Variants in TLN2 observed in about 807,000 individuals in gnomAD.
The protein encoded by TLN2 is talin-2.
TLN2 carries 118 observed loss-of-function variants against 294.7 expected under a neutral mutation model. The ratio of observed to expected loss-of-function variants is 0.40; its 90% CI spans 0.34 to 0.47. The LOEUF is 0.47. Ranked by LOEUF, TLN2 falls within the 20% of genes least tolerant of loss-of-function variation. The pLI is 0.84. For missense variants in TLN2, 3,083 were observed against 3,282.2 expected (o/e 0.94, Z 1.48); for synonymous variants, 1,431 against 1,304.5 (o/e 1.10, Z -2.09).
At chr15:62,836,125 G>A (rs750974275) in intron 57 of TLN2, 52 bp downstream of exon 57, 1 of 1,549,770 alleles carries the variant, frequency 6.5e-7, no homozygotes, top group Non-Finnish European at 8.7e-7. Flanking sequence ...GCGGGTAAGT[G>A]TCACCAGAGG....
chr15:62,670,567 T>C (rs2055278641), intron 9 of TLN2, among the ~76,000 whole-genome samples: 1 of 152,212 alleles, frequency 6.6e-6, no homozygotes, highest in Non-Finnish European at 1.5e-5. Context: ...TTTTTTCTTA[T>C]TAGTGAAATC....
intron 57 of TLN2, among the ~76,000 whole-genome samples, chr15:62,838,609 A>G (rs1158491168): frequency 6.6e-6 from 1 of 152,156 alleles, no homozygotes; most frequent in African/African-American, 2.4e-5. Flanking sequence ...CCCCTCAAAA[A>G]TGAGTATTCC....
intron 1 of TLN2, among the ~76,000 whole-genome samples, chr15:62,452,565 A>G (rs1398429351): frequency 4.6e-5 from 7 of 152,184 alleles, no homozygotes; most frequent in African/African-American, 1.4e-4. Context: ...GAACTCTTTC[A>G]TCTTGTAAAA....
intron 3 of TLN2, among the ~76,000 whole-genome samples, chr15:62,643,345 G>T (rs903267598): frequency 5.3e-5 from 8 of 151,112 alleles, no homozygotes; most frequent in East Asian, 3.9e-4. Context: ...GCAACCCTGG[G>T]GCCTTTTAGT....
At chr15:62,717,246 A>AT (rs113194007) in intron 23 of TLN2, among the ~76,000 whole-genome samples, 22 of 151,592 alleles carry the variant, frequency 1.5e-4, no homozygotes, top group African/African-American at 4.4e-4. Context: ...CTTGTGGGAG[A>AT]TTTTTTTTTC....
intron 2 of TLN2, among the ~76,000 whole-genome samples, chr15:62,604,825 C>T (rs1486997430): frequency 2.6e-5 from 4 of 151,540 alleles, no homozygotes; most frequent in East Asian, 3.9e-4. Context: ...TATACACAGA[C>T]GCAAGCCTAC....
chr15:62,564,921 A>ATATAT (rs1160315259), intron 1 of TLN2, among the ~76,000 whole-genome samples: 2,332 of 112,408 alleles, frequency 0.021, 21 homozygotes, highest in Middle Eastern at 0.036. Flanking sequence ...AAAAAAAAAA[A>ATATAT]AAAAATATAT....
At chr15:62,576,288 A>T (rs2044391973) in intron 1 of TLN2, among the ~76,000 whole-genome samples, 1 of 152,174 alleles carries the variant, frequency 6.6e-6, no homozygotes, top group African/African-American at 2.4e-5. Flanking sequence ...AAATAAAAAT[A>T]AAAATAAAGC....
intron 1 of TLN2, among the ~76,000 whole-genome samples, chr15:62,409,060 C>T (rs2033606994): frequency 6.6e-6 from 1 of 152,022 alleles, no homozygotes; most frequent in African/African-American, 2.4e-5. Flanking sequence ...TCACTGTAAC[C>T]TCTGCCCTCC....
At chr15:62,822,324 T>C (rs953057747) in intron 54 of TLN2, among the ~76,000 whole-genome samples, 15 of 152,238 alleles carry the variant, frequency 9.9e-5, no homozygotes, top group African/African-American at 2.4e-5. Context: ...ATCACCATCA[T>C]CACTGAAAAT....
Position 62,708,546 on chromosome 15 carries a change from G to T in TLN2, c.2217G>T (p.Leu739=). ...GCTCCCCTGTGTGCCAGGAGCAGCTGATTGAAGCAGGGAAGCTGGTGGACC... is the reference window on the plus strand; with the variant it reads ...GCTCCCCTGTGTGCCAGGAGCAGCTTATTGAAGCAGGGAAGCTGGTGGACC... ...TISSPVCQEQ[L]IEAGKLVDRS... The change falls in exon 21 of 59, where the codon CTG becomes CTT. Residue 739 remains leucine (L), a synonymous_variant. Coordinates refer to ENST00000636159, the MANE Select transcript of TLN2 (RefSeq NM_015059.3). 1 of 1,614,172 alleles carries T rather than the reference G, an allele frequency of 6.2e-7. No homozygotes were observed. The highest frequency in any genetic ancestry group is 1.1e-5 in the South Asian group (1 of 91,088).
rs1044928931 is a variant in TLN2 at position 62,643,917 on chromosome 15, C to A, written c.-36-3358C>A. ...GCACTTAGCTGTCCTGGGACTGTCT[C>A]TAGGACTATAATAAGGTGGAAACCA... On this transcript the variant is annotated intron_variant, in intron 3 of 58. Transcript: ENST00000636159. Among the ~76,000 whole-genome samples, 12 of 152,154 alleles carry A rather than the reference C, an allele frequency of 7.9e-5. 1 individual carries two copies. Among genetic ancestry groups the A allele is most frequent in the African/African-American group, 2.7e-4 (11 of 41,432 alleles).
At chr15:62,482,192 A>G (rs566027862) in intron 1 of TLN2, among the ~76,000 whole-genome samples, 24 of 152,298 alleles carry the variant, frequency 1.6e-4, no homozygotes, top group South Asian at 4.1e-4. Flanking sequence ...CCCTTGCAAT[A>G]TATAAAAACA....
chr15:62,575,190 G>A (rs1372732628), intron 1 of TLN2, among the ~76,000 whole-genome samples: 5 of 152,132 alleles, frequency 3.3e-5, no homozygotes, highest in Non-Finnish European at 7.3e-5. Context: ...GCATGTGCCA[G>A]TAGTCCCAGC....
rs565347095 is a variant in TLN2, at chr15:62,581,233, C to G, written c.-237-8454C>G. ...AGTGTTGCCTCTTCCAGAATGTCATCGAGTTGGAATTGTATAGTATGTAGC... is the reference window on the plus strand; with the variant it reads ...AGTGTTGCCTCTTCCAGAATGTCATGGAGTTGGAATTGTATAGTATGTAGC... On this transcript the variant is annotated intron_variant, in intron 1 of 58. Coordinates refer to ENST00000636159, the MANE Select transcript of TLN2 (RefSeq NM_015059.3). Among the ~76,000 whole-genome samples the G allele has an allele frequency of 3.7e-4, 56 of 152,228 alleles. 1 individual carries two copies. The highest frequency in any genetic ancestry group is 1.3e-3 in the African/African-American group (55 of 41,556).
intron 1 of TLN2, among the ~76,000 whole-genome samples, chr15:62,548,537 G>GCT (rs1455892807): frequency 4.6e-5 from 7 of 152,186 alleles, no homozygotes; most frequent in Non-Finnish European, 4.4e-5. Context: ...CCAGAAGGCA[G>GCT]CTAGTAGTAG....
chr15:62,464,287 G>A (rs553156026), intron 1 of TLN2, among the ~76,000 whole-genome samples: 139 of 152,300 alleles, frequency 9.1e-4, no homozygotes, highest in Admixed American at 4.1e-3. Context: ...CATGGATGAA[G>A]CTGGAAACCA....
intron 3 of TLN2, among the ~76,000 whole-genome samples, chr15:62,642,061 C>T (rs1001053371): frequency 3.3e-5 from 5 of 152,184 alleles, no homozygotes; most frequent in Non-Finnish European, 7.3e-5. Flanking sequence ...CCACTGGTTT[C>T]GTCAGCTCCG....
chr15:62,802,539 G>A (rs1434664657), intron 50 of TLN2, among the ~76,000 whole-genome samples: 1 of 152,192 alleles, frequency 6.6e-6, no homozygotes, highest in African/African-American at 2.4e-5. Flanking sequence ...GTAAACATGG[G>A]AGTGCAGATA....
Sources: allele counts gnomAD v4.1 joint callset (sites outside exome capture counted in the v4.1 genomes callset), GRCh38; gene constraint gnomAD v4.1.1; transcripts MANE v1.5; gene names NCBI Gene and HGNC (gene_info 2026-07-23, HGNC 2026-07-21).